TXNDC5: variants seen among roughly 807,000 people sequenced by gnomAD.
TXNDC5 encodes the protein thioredoxin domain-containing protein 5.
In TXNDC5, 44 loss-of-function variants were observed where a neutral mutation model predicts 52.6. That is an observed-to-expected ratio of 0.84 (90% CI 0.66 to 1.08). The LOEUF is 1.08. Ranked by LOEUF, TXNDC5 falls within the 50% of genes least tolerant of loss-of-function variation. TXNDC5 has a pLI of 0.00. For synonymous variants in TXNDC5, 241 were observed against 234.4 expected, an observed-to-expected ratio of 1.03 and a Z score of -0.26; for missense variants, 600 against 565.5, an observed-to-expected ratio of 1.06 and a Z score of -0.62.
intron 8 of TXNDC5, among the ~76,000 whole-genome samples, chr6:7,885,491 C>T (rs1012816078): frequency 1.3e-5 from 2 of 152,140 alleles, no homozygotes; most frequent in African/African-American, 4.8e-5. Flanking sequence ...CAGGAAACTG[C>T]GTAGCATACT....
chr6:7,910,608 CG>C lies in TXNDC5; in HGVS notation c.168del (p.Asp56GlufsTer84). 1 of 1,350,624 alleles carries C rather than the reference CG, an allele frequency of 7.4e-7. No homozygotes were observed. Among genetic ancestry groups the C allele is most frequent in the South Asian group, 1.5e-5 (1 of 66,750 alleles). 83.7% of individuals were successfully genotyped at this position (1,350,624 alleles called of 1,614,324 possible). A position where few individuals can be genotyped will look rare whatever the true frequency, so the allele number is the denominator to read the frequency against. ...ADGPPAADGEDGQDPHSKHLY... is the reference protein window; with the variant it reads ...ADGPPAADGEXGQDPHSKHLY... ...AGGTGCTTGCTGTGCGGGTCCTGTCCGTCCTCGCCGTCTGCCGCGGGGGGCC... is the reference window on the plus strand; with the variant it reads ...AGGTGCTTGCTGTGCGGGTCCTGTCCTCCTCGCCGTCTGCCGCGGGGGGCC... On this transcript the variant is annotated frameshift_variant, in exon 1 of 10. Transcript: ENST00000379757. LOFTEE classifies it high-confidence loss of function.
intron 3 of TXNDC5, 23 bp downstream of exon 3, chr6:7,899,550 AGGG>A: frequency 8.0e-7 from 1 of 1,249,472 alleles, no homozygotes; most frequent in Non-Finnish European, 1.1e-6. Context: ...GGAGGGAGGG[AGGG>A]AGGGAAGGAG....
intron 4 of TXNDC5, chr6:7,894,843 C>T: frequency 2.0e-6 from 2 of 985,384 alleles, no homozygotes; most frequent in African/African-American, 1.7e-5. Flanking sequence ...CACTCTTAGC[C>T]AAGGATGCAC....
At chr6:7,883,414 A>G (rs1336299971) in intron 9 of TXNDC5, 148 bp from the exon 10 acceptor site, 10 of 1,139,976 alleles carry the variant, frequency 8.8e-6, no homozygotes, top group Non-Finnish European at 1.2e-5. Flanking sequence ...TTAAAACAGG[A>G]GCAGACTACT....
intron 6 of TXNDC5, 68 bp downstream of exon 6, chr6:7,889,427 C>A (rs1760116920): frequency 1.4e-6 from 2 of 1,438,568 alleles, no homozygotes; most frequent in African/African-American, 2.8e-5. Context: ...CCCATTAAAC[C>A]ACTCAGTAGC....
chr6:7,894,970 A>T, intron 4 of TXNDC5, 136 bp downstream of exon 4: 1 of 1,437,728 alleles, frequency 7.0e-7, no homozygotes, highest in Non-Finnish European at 9.2e-7. Flanking sequence ...CGGTCCCAAC[A>T]GCTCCTCTAG....
chr6:7,906,303 C>A (rs759176076), intron 1 of TXNDC5, among the ~76,000 whole-genome samples: 1 of 151,858 alleles, frequency 6.6e-6, no homozygotes, highest in East Asian at 1.9e-4. Context: ...TTTGGGAAGC[C>A]GAAGCAAGCG....
intron 2 of TXNDC5, among the ~76,000 whole-genome samples, chr6:7,903,017 C>T (rs980438170): frequency 6.6e-6 from 1 of 152,198 alleles, no homozygotes; most frequent in Non-Finnish European, 1.5e-5. Flanking sequence ...AGCTCCATTA[C>T]AGGTCCTGTG....
Position 7,881,968 on chromosome 6 carries a change from TAG to T in TXNDC5, c.*1174_*1175del, listed in dbSNP as rs1364570895. The T allele has an allele frequency of 2.0e-5, 3 of 152,596 alleles. No individual in the cohort carries two copies. Among genetic ancestry groups the T allele is most frequent in the African/African-American group, 7.2e-5 (3 of 41,416 alleles). 9.5% of individuals were successfully genotyped at this position (152,596 alleles called of 1,614,324 possible). A position where few individuals can be genotyped will look rare whatever the true frequency, so the allele number is the denominator to read the frequency against. ...TGTATGTGCTTATTCCCAAGGGAGA[TAG>T]AGGTGTTTAATCACAAGGACAGCAT... is the stretch of plus-strand genomic sequence containing the variant. On this transcript the variant is annotated 3_prime_UTR_variant, in exon 10 of 10. Coordinates refer to ENST00000379757, the MANE Select transcript of TXNDC5 (RefSeq NM_030810.5).
At chr6:7,899,499 G>A (rs1450496939) in intron 3 of TXNDC5, 77 bp downstream of exon 3, 15 of 1,036,848 alleles carry the variant, frequency 1.4e-5, no homozygotes, top group East Asian at 9.5e-5. Flanking sequence ...CCTCTGCCCC[G>A]TTACATATTA....
At chr6:7,910,223 C>A in intron 1 of TXNDC5, 1 of 902,120 alleles carries the variant, frequency 1.1e-6, no homozygotes, top group South Asian at 5.0e-5. Context: ...AGCCCCAAGC[C>A]CTCGGTCCCC....
intron 6 of TXNDC5, 142 bp from the exon 7 acceptor site, chr6:7,888,990 A>C: frequency 9.1e-7 from 1 of 1,093,822 alleles, no homozygotes; most frequent in Middle Eastern, 2.1e-4. Flanking sequence ...TCATATTTAG[A>C]CGGGAATGTA....
intron 1 of TXNDC5, among the ~76,000 whole-genome samples, chr6:7,908,240 G>A (rs1350543138): frequency 3.0e-5 from 4 of 135,048 alleles, no homozygotes; most frequent in Admixed American, 8.7e-5. Context: ...TCAAGATTGC[G>A]CTACTGCACT....
chr6:7,910,507 G>A lies in TXNDC5; in HGVS notation c.263+7C>T. ...GCGGGGCAGGGCGCCGGCCTGCGCG[G>A]CGTTACCAGGGCGCGAAGAACATGA... On this transcript the variant is annotated splice_region_variant and intron_variant, in intron 1 of 9. Coordinates refer to ENST00000379757, the MANE Select transcript of TXNDC5 (RefSeq NM_030810.5). 1 of 1,432,544 alleles carries A rather than the reference G, an allele frequency of 7.0e-7. No individual in the cohort carries two copies. Among genetic ancestry groups the A allele is most frequent in the Non-Finnish European group, 9.3e-7 (1 of 1,080,792 alleles). The allele number at this position is 1,432,544 out of a possible 1,614,324, so 88.7% of individuals were successfully genotyped here.
At chr6:7,890,570 C>T (rs1051732587) in intron 5 of TXNDC5, among the ~76,000 whole-genome samples, 1 of 152,084 alleles carries the variant, frequency 6.6e-6, no homozygotes, top group Non-Finnish European at 1.5e-5. Context: ...AGTAAGGATA[C>T]AAGGAATGGG....
chr6:7,907,253 A>C (rs1427196984), intron 1 of TXNDC5, among the ~76,000 whole-genome samples: 1 of 151,910 alleles, frequency 6.6e-6, no homozygotes, highest in Non-Finnish European at 1.5e-5. Context: ...AAAACTGACC[A>C]TTCTGGGCCA....
Position 7,910,754 on chromosome 6 carries a change from A to T in TXNDC5, c.23T>A (p.Leu8His). The change falls in exon 1 of 10, where the codon CTC (leucine) becomes CAC (histidine). Residue 8 changes from leucine to histidine, a missense_variant. Leu to His is a moderately conservative substitution (Grantham distance 99). Coordinates refer to ENST00000379757, the MANE Select transcript of TXNDC5 (RefSeq NM_030810.5). ...CGCCGGCCGGGCCAGCAGCGGGAGGAGGCGTCCTGGGCGCGCGGGCATCGC... is the reference window on the plus strand; with the variant it reads ...CGCCGGCCGGGCCAGCAGCGGGAGGTGGCGTCCTGGGCGCGCGGGCATCGC... MPARPGR[L>H]LPLLARPAAL... The T allele has an allele frequency of 1.0e-6, 1 of 1,003,474 alleles. No individual in the cohort carries two copies. Among genetic ancestry groups the T allele is most frequent in the Non-Finnish European group, 1.2e-6 (1 of 844,830 alleles). The allele number at this position is 1,003,474 out of a possible 1,614,324, so 62.2% of individuals were successfully genotyped here.
intron 1 of TXNDC5, among the ~76,000 whole-genome samples, chr6:7,906,551 AAAAAAAG>A (rs1760740178): frequency 1.3e-5 from 2 of 150,340 alleles, no homozygotes; most frequent in Admixed American, 6.6e-5. Flanking sequence ...AAAAAAAAAA[AAAAAAAG>A]AAAAACAGAC....
At chr6:7,887,792 T>A (rs1048503613) in intron 7 of TXNDC5, among the ~76,000 whole-genome samples, 3 of 152,254 alleles carry the variant, frequency 2.0e-5, no homozygotes, top group African/African-American at 7.2e-5. Context: ...CACCCTGACC[T>A]GTCTCCCACT....
Sources: gnomAD v4.1 joint callset for allele counts (sites outside exome capture counted in the v4.1 genomes callset) on GRCh38, gnomAD v4.1.1 for gene constraint, MANE v1.5 for transcripts, NCBI Gene and HGNC (gene_info 2026-07-23, HGNC 2026-07-21) for gene names.